The following DYRK1A variants were observed in gnomAD, a reference collection of about 807,000 sequenced individuals.
DYRK1A encodes the protein dual specificity tyrosine phosphorylation regulated kinase 1A, also known as dual specificity tyrosine-phosphorylation-regulated kinase 1A.
DYRK1A carries 9 observed loss-of-function variants against 79.7 expected under a neutral mutation model. The observed-to-expected ratio is 0.11, with a 90% confidence interval of 0.07 to 0.20. The LOEUF (loss-of-function observed/expected upper bound fraction) is 0.20. Ranked by LOEUF, DYRK1A falls within the 10% of genes least tolerant of loss-of-function variation. The probability of loss-of-function intolerance (pLI) is 1.00; values close to 1 mark genes in which losing one functional copy is unlikely to be tolerated. For synonymous variants in DYRK1A, 349 were observed against 329.7 expected, an observed-to-expected ratio of 1.06 and a Z score of -0.63; for missense variants, 622 against 956.0, an observed-to-expected ratio of 0.65 and a Z score of 4.61.
intron 1 of DYRK1A, among the ~76,000 whole-genome samples, chr21:37,395,654 C>A (rs967630974): frequency 1.3e-5 from 2 of 152,082 alleles, no homozygotes; most frequent in Non-Finnish European, 2.9e-5. Context: ...GGCATAGTAC[C>A]TGCCCTGCAT....
rs1281508561 is a variant in DYRK1A, at chr21:37,479,615, TTTTG to T, written c.301-1019_301-1016del. Among the ~76,000 whole-genome samples the T allele has an allele frequency of 2.6e-3, 256 of 99,634 alleles. 7 individuals are homozygous for T. The highest frequency in any genetic ancestry group is 6.5e-3 in the African/African-American group (148 of 22,840). 65.4% of individuals were successfully genotyped at this position (99,634 alleles called of 152,430 possible). ...TTTTGTTTTTGTTTTTGTTTTTGTTTTTTGTTTTTTTTTTTTTTTTTGGAGACAG... is the reference window on the plus strand; with the variant it reads ...TTTTGTTTTTGTTTTTGTTTTTGTTTTTTTTTTTTTTTTTTTTGGAGACAG... On this transcript the variant is annotated intron_variant, in intron 4 of 11. Transcript: ENST00000647188.
At chr21:37,412,610 A>T (rs2050264925) in intron 1 of DYRK1A, among the ~76,000 whole-genome samples, 1 of 152,188 alleles carries the variant, frequency 6.6e-6, no homozygotes, top group Non-Finnish European at 1.5e-5. Context: ...AAGGTGAATT[A>T]AGGACTTGGT....
chr21:37,444,392 G>A (rs1388706395), intron 2 of DYRK1A, among the ~76,000 whole-genome samples: 1 of 152,164 alleles, frequency 6.6e-6, no homozygotes, highest in Non-Finnish European at 1.5e-5. Context: ...TCTGGAGTGA[G>A]GAATTCATTT....
At chr21:37,495,729 CTGCAGTGAGCTCTGAG>C (rs61479602) in intron 8 of DYRK1A, among the ~76,000 whole-genome samples, 7,985 of 152,146 alleles carry the variant, frequency 0.052, 736 homozygotes, top group African/African-American at 0.18. Flanking sequence ...GAGGTCAAGG[CTGCAGTGAGCTCTGAG>C]TGCACCACTG....
intron 2 of DYRK1A, among the ~76,000 whole-genome samples, chr21:37,423,856 T>C (rs991252011): frequency 2.0e-5 from 3 of 152,188 alleles, no homozygotes; most frequent in Non-Finnish European, 2.9e-5. Flanking sequence ...ATAATTCTTA[T>C]GCATACACTA....
chr21:37,421,243 T>C (rs887282235), intron 2 of DYRK1A, among the ~76,000 whole-genome samples: 4 of 152,158 alleles, frequency 2.6e-5, no homozygotes, highest in Non-Finnish European at 4.4e-5. Context: ...GAAATATTTA[T>C]ATAAATTTTG....
chr21:37,498,384 T>G (rs1257643023), intron 9 of DYRK1A, among the ~76,000 whole-genome samples: 2 of 152,228 alleles, frequency 1.3e-5, no homozygotes, highest in African/African-American at 4.8e-5. Flanking sequence ...CTTTCTGATT[T>G]CTATCATCAA....
intron 10 of DYRK1A, 138 bp downstream of exon 10, chr21:37,505,727 A>T: frequency 1.0e-6 from 1 of 961,466 alleles, no homozygotes; most frequent in African/African-American, 1.7e-5. Flanking sequence ...CTTTGTAGTT[A>T]GTAGTAAATT....
chr21:37,443,240 C>T (rs1381563270), intron 2 of DYRK1A, among the ~76,000 whole-genome samples: 6 of 152,044 alleles, frequency 3.9e-5, no homozygotes, highest in Admixed American at 3.9e-4. Flanking sequence ...ACCTTCAACT[C>T]CTCAAGAGAT....
At chr21:37,386,930 G>A (rs958694631) in intron 1 of DYRK1A, among the ~76,000 whole-genome samples, 1 of 152,166 alleles carries the variant, frequency 6.6e-6, no homozygotes, top group African/African-American at 2.4e-5. Flanking sequence ...ACACGCCCTG[G>A]ATTCAGGAAA....
Position 37,469,730 on chromosome 21 carries a change from TA to T in DYRK1A, c.11-2953del, listed in dbSNP as rs147256282. ...AGAACTCTTATCACGAGGATAGCACTAGGGGGGATGGTGCTAAACCATTAGA... is the reference window on the plus strand; with the variant it reads ...AGAACTCTTATCACGAGGATAGCACTGGGGGGATGGTGCTAAACCATTAGA... On this transcript the variant is annotated intron_variant, in intron 2 of 11. Transcript: ENST00000647188. 4.6e-3 allele frequency among the ~76,000 whole-genome samples: 695 copies of T among 152,254 alleles called. 4 individuals are homozygous for T. Among genetic ancestry groups the T allele is most frequent in the African/African-American group, 0.016 (644 of 41,540 alleles).
chr21:37,477,236 C>T (rs1446618329), intron 3 of DYRK1A, among the ~76,000 whole-genome samples: 1 of 152,198 alleles, frequency 6.6e-6, no homozygotes, highest in Non-Finnish European at 1.5e-5. Context: ...TCAGGGTCTT[C>T]TGGCTCATTT....
At chr21:37,366,407 C>G (rs1262311002), upstream of DYRK1A, among the ~76,000 whole-genome samples, 3 of 145,664 alleles carry the variant, frequency 2.1e-5, no homozygotes, top group Admixed American at 2.0e-4. Context: ...TCGGCGCGGG[C>G]GCGGGGCGGG....
At chr21:37,370,463 A>G (rs1210975743) in intron 1 of DYRK1A, among the ~76,000 whole-genome samples, 1 of 152,222 alleles carries the variant, frequency 6.6e-6, no homozygotes, top group Non-Finnish European at 1.5e-5. Flanking sequence ...ACACAAGATT[A>G]GTAGAAGAGT....
intron 2 of DYRK1A, among the ~76,000 whole-genome samples, chr21:37,439,989 A>G (rs938932994): frequency 8.5e-5 from 13 of 152,054 alleles, no homozygotes; most frequent in African/African-American, 2.9e-4. Flanking sequence ...TGATTCAAAT[A>G]GTTACAATTT....
At chr21:37,392,091 G>T (rs958465936) in intron 1 of DYRK1A, among the ~76,000 whole-genome samples, 1 of 121,092 alleles carries the variant, frequency 8.3e-6, no homozygotes, top group East Asian at 1.9e-4. Flanking sequence ...TGTTAACACT[G>T]AATTTAACAA....
chr21:37,446,648 G>A (rs752747581), intron 2 of DYRK1A, among the ~76,000 whole-genome samples: 8 of 151,260 alleles, frequency 5.3e-5, no homozygotes, highest in Non-Finnish European at 1.2e-4. Context: ...GTTACCTCAC[G>A]TGAACCTCAC....
At chr21:37,468,811 C>T (rs1343778270) in intron 2 of DYRK1A, among the ~76,000 whole-genome samples, 1 of 151,738 alleles carries the variant, frequency 6.6e-6, no homozygotes, top group Non-Finnish European at 1.5e-5. Context: ...TCTTAGATTC[C>T]AAAAGTATAG....
chr21:37,378,850 AG>A (rs2049600979), intron 1 of DYRK1A, among the ~76,000 whole-genome samples: 1 of 152,206 alleles, frequency 6.6e-6, no homozygotes, highest in Admixed American at 6.5e-5. Flanking sequence ...AGAAGAGCAC[AG>A]GAAGTAAGAC....
Sources: gnomAD v4.1 joint callset for allele counts (sites outside exome capture counted in the v4.1 genomes callset) on GRCh38, gnomAD v4.1.1 for gene constraint, MANE v1.5 for transcripts, NCBI Gene and HGNC (gene_info 2026-07-23, HGNC 2026-07-21) for gene names.